GCAT: variants seen among roughly 807,000 people sequenced by gnomAD.
GCAT encodes 2-amino-3-ketobutyrate coenzyme A ligase, mitochondrial.
Under a neutral mutation model 39.7 loss-of-function variants are expected in GCAT, and 26 were observed. The ratio of observed to expected loss-of-function variants is 0.65; its 90% CI spans 0.48 to 0.91. GCAT has a LOEUF of 0.91. Ranked by LOEUF, GCAT falls within the 40% of genes least tolerant of loss-of-function variation. The pLI, the probability that GCAT is intolerant of heterozygous loss-of-function variation, is 0.00. For synonymous variants in GCAT, 218 were observed against 237.2 expected (o/e 0.92, Z 0.74); for missense variants, 550 against 576.2 (o/e 0.95, Z 0.47).
Position 37,816,658 on chromosome 22 carries a change from CATT to C in GCAT, c.1201_1203del (p.Ile401del). The stretch of plus-strand genomic sequence containing the variant: ...TCTCAGCAGTGCATAGCGAGGAAGA[CATT>C]GACCGCTGCGTGGAGGCCTTCGTGG... On this transcript the variant is annotated inframe_deletion, in exon 9 of 9. Coordinates refer to ENST00000248924, the MANE Select transcript of GCAT (RefSeq NM_014291.4). The C allele has an allele frequency of 1.2e-6, 2 of 1,614,102 alleles. No homozygotes were observed. The highest frequency in any genetic ancestry group is 8.5e-7 in the Non-Finnish European group (1 of 1,179,994).
chr22:37,807,945 C>A lies in GCAT; in HGVS notation c.-23C>A, dbSNP rs201241223. The stretch of plus-strand genomic sequence containing the variant: ...TGCGCACGGCTCCCAGGCAGGCAGG[C>A]GCGCTCGGGCGAGGTAGGAGCGATG... On this transcript the variant is annotated 5_prime_UTR_variant, in exon 1 of 9. Transcript: ENST00000248924. 5 of 1,465,542 alleles carry A rather than the reference C, an allele frequency of 3.4e-6. No individual in the cohort carries two copies. Among genetic ancestry groups the A allele is most frequent in the East Asian group, 2.9e-5 (1 of 34,390 alleles). 90.8% of individuals were successfully genotyped at this position (1,465,542 alleles called of 1,614,324 possible).
Position 37,812,932 on chromosome 22 carries a change from C to T in GCAT, c.373C>T (p.Arg125Trp), listed in dbSNP as rs767335648. The change falls in exon 3 of 9, where the codon CGG becomes TGG. Residue 125 changes from arginine to tryptophan, a missense_variant. This residue lies in a region of GCAT where 18 missense variants were observed against 43.8 expected (regional missense o/e 0.41). Transcript: ENST00000248924. The stretch of plus-strand genomic sequence containing the variant: ...AGCAAAAATAGCCCGCTTCCACCAG[C>T]GGGAGGATGCCATCCTCTATCCCAG... ...LEAKIARFHQ[R>W]EDAILYPSCY... The T allele has an allele frequency of 2.0e-5, 32 of 1,613,760 alleles. No individual in the cohort carries two copies. The highest frequency in any genetic ancestry group is 1.7e-4 in the Middle Eastern group (1 of 6,054).
At position 37,816,281 on chromosome 22, in the gene GCAT, C is replaced by T; in HGVS notation, c.1068C>T (p.Ala356=). The part of the protein sequence containing the change: ...HPICPVMLGD[A]RLASRMADDM... ...TCTGCCCTGTGATGCTGGGTGATGC[C>T]CGGCTGGCCTCTCGCATGGCGGATG... Residue 356 remains alanine (A), a synonymous_variant, in exon 8 of 9, where the codon GCC becomes GCT. Transcript: ENST00000248924. 6.2e-7 allele frequency: 1 copy of T among 1,613,008 alleles called. No individual in the cohort carries two copies. Among genetic ancestry groups the T allele is most frequent in the Non-Finnish European group, 8.5e-7 (1 of 1,180,004 alleles).
At chr22:37,809,904 C>T (rs1026884486) in intron 1 of GCAT, 123 bp from the exon 2 acceptor site, 12 of 1,294,210 alleles carry the variant, frequency 9.3e-6, no homozygotes, top group Non-Finnish European at 1.3e-5. Context: ...GGTGCCTCCT[C>T]AATGGTGACT....
In GCAT at chr22:37,815,464, A is replaced by G; in HGVS notation, c.778A>G (p.Asn260Asp). 1 of 1,610,324 alleles carries G rather than the reference A, an allele frequency of 6.2e-7. No homozygotes were observed. The highest frequency in any genetic ancestry group is 1.3e-5 in the African/African-American group (1 of 74,900). ...LGVMDQVTIINSTLGKALGGA... is the reference protein window; with the variant it reads ...LGVMDQVTIIDSTLGKALGGA... ...TGTGATGGACCAGGTCACCATCATCAACTCCACCCTGGGGAAGGCCCTGGG... is the reference window on the plus strand; with the variant it reads ...TGTGATGGACCAGGTCACCATCATCGACTCCACCCTGGGGAAGGCCCTGGG... The change falls in exon 6 of 9, where the codon AAC (asparagine) becomes GAC (aspartate). Residue 260 changes from asparagine (N) to aspartate (D), a missense_variant. Transcript: ENST00000248924.
chr22:37,816,155 A>G, intron 7 of GCAT, 45 bp from the exon 8 acceptor site: 5 of 1,600,278 alleles, frequency 3.1e-6, no homozygotes, highest in Non-Finnish European at 4.3e-6. Flanking sequence ...GCGGGTGTGA[A>G]TGCTCCACGG....
chr22:37,813,658 T>C, intron 4 of GCAT, 49 bp downstream of exon 4: 3 of 1,535,566 alleles, frequency 2.0e-6, no homozygotes, highest in Non-Finnish European at 2.6e-6. Context: ...GGGAAGGAAG[T>C]GAGGCTTAGA....
In GCAT at chr22:37,815,129, C is replaced by T. The variant is rs1327737167; in HGVS notation, c.580C>T (p.His194Tyr). ...TCTGCTCATGTCTTTCCTGCAGAAG[C>T]ATCGGCTGCGCCTGGTGGCCACTGA... Reference protein sequence around the residue: ...LEAKLQEAQKHRLRLVATDGA... With the variant: ...LEAKLQEAQKYRLRLVATDGA... Residue 194 changes from histidine to tyrosine, a missense_variant, in exon 5 of 9, where the codon CAT becomes TAT. His to Tyr is a moderately conservative substitution (Grantham distance 83). Coordinates refer to ENST00000248924, the MANE Select transcript of GCAT (RefSeq NM_014291.4). 6.2e-7 allele frequency: 1 copy of T among 1,613,816 alleles called. No individual in the cohort carries two copies. Among genetic ancestry groups the T allele is most frequent in the Non-Finnish European group, 8.5e-7 (1 of 1,179,980 alleles).
chr22:37,817,106 C>T (rs1358373354), downstream of GCAT: 2 of 186,356 alleles, frequency 1.1e-5, no homozygotes, highest in East Asian at 2.5e-4. Flanking sequence ...AGGCGGATCA[C>T]CTGAGGTCGG....
At chr22:37,817,146 GA>G (rs1395840865), downstream of GCAT, 2 of 170,416 alleles carry the variant, frequency 1.2e-5, no homozygotes, top group Admixed American at 5.5e-5. Context: ...CCAACATGGA[GA>G]AACCCCGTCT....
chr22:37,816,254 C>T lies in GCAT; in HGVS notation c.1041C>T (p.Pro347=). ...TCACTATCTCGGGAGCCAGTCACCC[C>T]ATCTGCCCTGTGATGCTGGGTGATG... The part of the protein sequence containing the change: ...AGFTISGASH[P]ICPVMLGDAR... Residue 347 remains proline (P), a synonymous_variant, in exon 8 of 9, where the codon CCC becomes CCT. Coordinates refer to ENST00000248924, the MANE Select transcript of GCAT (RefSeq NM_014291.4). 6.2e-7 allele frequency: 1 copy of T among 1,613,490 alleles called. No homozygotes were observed. Among genetic ancestry groups the T allele is most frequent in the South Asian group, 1.1e-5 (1 of 91,074 alleles).
rs746747398 is a variant in GCAT, at chr22:37,813,409, G to C, written c.430-54G>C. 5 of 1,542,586 alleles carry C rather than the reference G, an allele frequency of 3.2e-6. No homozygotes were observed. In the South Asian group the frequency reaches 5.9e-5, roughly 18 times the overall value. On this transcript the variant is annotated intron_variant, in intron 3 of 8. Transcript: ENST00000248924. ...TTTGATTTGCTGGAGTCCCGGTCAA[G>C]GGAGAAGCCCAGGGTGGTTAAATGA...
At chr22:37,815,978 C>G in intron 7 of GCAT, 144 bp downstream of exon 7, 1 of 1,006,300 alleles carries the variant, frequency 9.9e-7, no homozygotes, top group East Asian at 2.5e-5. Context: ...CCCTGCCTCT[C>G]CCCTCTAGCT....
chr22:37,815,685 G>A lies in GCAT; in HGVS notation c.837G>A (p.Gly279=), dbSNP rs1438788857. The A allele has an allele frequency of 6.2e-7, 1 of 1,612,514 alleles. No homozygotes were observed. Among genetic ancestry groups the A allele is most frequent in the African/African-American group, 1.3e-5 (1 of 74,868 alleles). Residue 279 remains glycine, a synonymous_variant, in exon 7 of 9, where the codon GGG becomes GGA. Coordinates refer to ENST00000248924, the MANE Select transcript of GCAT (RefSeq NM_014291.4). ...GASGGYTTGP[G]PLVSLLRQRA... Reference sequence around the variant, plus strand: ...CAGGGGGCTACACGACAGGGCCTGGGCCCCTGGTGTCCCTGCTGCGGCAGC... The same window carrying A: ...CAGGGGGCTACACGACAGGGCCTGGACCCCTGGTGTCCCTGCTGCGGCAGC...
At chr22:37,809,986 C>G in intron 1 of GCAT, 41 bp from the exon 2 acceptor site, 1 of 1,610,802 alleles carries the variant, frequency 6.2e-7, no homozygotes, top group Non-Finnish European at 8.5e-7. Flanking sequence ...TGCCCTTGCC[C>G]CACCTGAGCT....
chr22:37,814,203 C>T (rs993889804), intron 4 of GCAT, among the ~76,000 whole-genome samples: 6 of 152,126 alleles, frequency 3.9e-5, no homozygotes, highest in African/African-American at 7.2e-5. Flanking sequence ...TGGACTCGAG[C>T]GATCCTCCCA....
intron 6 of GCAT, 21 bp downstream of exon 6, chr22:37,815,521 C>T (rs759964149): frequency 6.3e-6 from 10 of 1,587,370 alleles, no homozygotes; most frequent in East Asian, 4.5e-5. Context: ...GGTTGTGTCC[C>T]TGGGGTCCCC....
chr22:37,808,226 C>T (rs1921186421), intron 1 of GCAT, 63 bp downstream of exon 1: 1 of 1,317,632 alleles, frequency 7.6e-7, no homozygotes, highest in Non-Finnish European at 1.0e-6. Flanking sequence ...AATGGAGGTC[C>T]TGGAGGTGGG....
At chr22:37,813,319 CAG>C (rs1293905245) in intron 3 of GCAT, 142 bp from the exon 4 acceptor site, 1 of 935,920 alleles carries the variant, frequency 1.1e-6, no homozygotes, top group Non-Finnish European at 1.7e-6. Flanking sequence ...ACGGGGGCCC[CAG>C]AGAGAAGCAC....
Sources: allele counts gnomAD v4.1 joint callset (sites outside exome capture counted in the v4.1 genomes callset), GRCh38; gene constraint gnomAD v4.1.1; regional missense constraint gnomAD v4.1.1; transcripts MANE v1.5; gene names NCBI Gene and HGNC (gene_info 2026-07-23, HGNC 2026-07-21).